ARMC5: variants seen among roughly 807,000 people sequenced by gnomAD.
ARMC5 encodes armadillo repeat containing 5.
In ARMC5, 28 loss-of-function variants were observed where a neutral mutation model predicts 60.5. That is an observed-to-expected ratio of 0.46 (90% CI 0.34 to 0.63). ARMC5 has a LOEUF of 0.63. Among genes scored for constraint, ARMC5 ranks in the 30% least tolerant of loss-of-function variants. The pLI, the probability that ARMC5 is intolerant of heterozygous loss-of-function variation, is 0.01. For missense variants in ARMC5, 1,189 were observed against 1,304.9 expected, an observed-to-expected ratio of 0.91 and a Z score of 1.37; for synonymous variants, 680 against 607.3, an observed-to-expected ratio of 1.12 and a Z score of -1.76.
intron 1 of ARMC5, 74 bp downstream of exon 1, chr16:31,460,073 G>T: frequency 6.7e-7 from 1 of 1,491,972 alleles, no homozygotes; most frequent in Non-Finnish European, 9.1e-7. Flanking sequence ...GGGCAGTCTG[G>T]AGTTCTTTGT....
At chr16:31,465,212 C>G (rs1567378026) in intron 4 of ARMC5, 1 of 1,562,806 alleles carries the variant, frequency 6.4e-7, no homozygotes, top group Non-Finnish European at 8.7e-7. Flanking sequence ...CTGCTCCCCA[C>G]CAGCACGCTG....
At chr16:31,463,921 T>A (rs1278897893) in intron 3 of ARMC5, among the ~76,000 whole-genome samples, 1 of 152,114 alleles carries the variant, frequency 6.6e-6, no homozygotes, top group Non-Finnish European at 1.5e-5. Flanking sequence ...TGAATGAGGT[T>A]TTAGTCGTAT....
Position 31,459,874 on chromosome 16 carries a change from C to G in ARMC5, c.350C>G (p.Ser117Cys), listed in dbSNP as rs1198214448. Reference protein sequence around the residue: ...SGPAPSAVSSSSPTPPVRLRK... With the variant: ...SGPAPSAVSSCSPTPPVRLRK... Reference sequence around the variant, plus strand: ...CCCGCCCCCTCCGCTGTGTCGTCGTCTAGTCCTACGCCGCCAGTGCGCCTG... The same window carrying G: ...CCCGCCCCCTCCGCTGTGTCGTCGTGTAGTCCTACGCCGCCAGTGCGCCTG... The change falls in exon 1 of 6, where the codon TCT (serine) becomes TGT (cysteine). Residue 117 changes from serine to cysteine, a missense_variant. Ser to Cys is a moderately radical substitution (Grantham distance 112, BLOSUM62 -1). This residue lies in a region of ARMC5 where 327 missense variants were observed against 233.7 expected (regional missense o/e 1.40). Transcript: ENST00000268314. The G allele has an allele frequency of 6.2e-6, 10 of 1,604,536 alleles. No homozygotes were observed. Among genetic ancestry groups the G allele is most frequent in the Middle Eastern group, 3.4e-4 (2 of 5,964 alleles).
Position 31,466,784 on chromosome 16 carries a change from C to T in ARMC5, c.2703C>T (p.Ala901=), listed in dbSNP as rs868451000. The T allele has an allele frequency of 1.3e-6, 2 of 1,584,474 alleles. No homozygotes were observed. Among genetic ancestry groups the T allele is most frequent in the Non-Finnish European group, 1.7e-6 (2 of 1,166,856 alleles). ...AGTGCCCGAGGAAGCGGGGTCTGGC[C>T]CTGGTGGGGCTTGTGGAGGCAGCAG... ...SEQCPRKRGL[A]LVGLVEAAGE... Residue 901 remains alanine (A), a synonymous_variant, in exon 6 of 6, where the codon GCC becomes GCT. Transcript: ENST00000268314. The surrounding 1 kb of genome is among the most constrained non-coding windows in gnomAD (Gnocchi z 8.0).
chr16:31,465,869 C>T lies in ARMC5; in HGVS notation c.1884C>T (p.Asn628=), dbSNP rs374631609. 5.6e-6 allele frequency: 9 copies of T among 1,609,534 alleles called. No homozygotes were observed. In the African/African-American group the frequency reaches 8.0e-5, roughly 14 times the overall value. ...TCACAGGGGAGAGGCTACTGCAGAA[C>T]CTGACGGTTCAGGCTGAGTCGCCCT... ...HRELGERLLQ[N]LTVQAESPFG... Residue 628 remains asparagine (N), a synonymous_variant, in exon 5 of 6, where the codon AAC becomes AAT. Transcript: ENST00000268314.
At position 31,465,058 on chromosome 16, in the gene ARMC5, T is replaced by C. The variant is rs201507383; in HGVS notation, c.1864+171T>C. On this transcript the variant is annotated intron_variant, in intron 4 of 5. Transcript: ENST00000268314. ...GGAGCAGGGCGTTCCAGTCCCTCCA[T>C]GGGCCCACAGGCAGAGTTCTGCTGT... 6.1e-5 allele frequency: 99 copies of C among 1,613,860 alleles called. No homozygotes were observed. In the African/African-American group the frequency reaches 1.1e-3, roughly 19 times the overall value.
In ARMC5 at chr16:31,462,622, G is replaced by A; in HGVS notation, c.1075G>A (p.Ala359Thr). 2 of 1,613,522 alleles carry A rather than the reference G, an allele frequency of 1.2e-6. No individual in the cohort carries two copies. Among genetic ancestry groups the A allele is most frequent in the Non-Finnish European group, 1.7e-6 (2 of 1,180,008 alleles). The change falls in exon 3 of 6, where the codon GCC becomes ACC. Residue 359 changes from alanine (A) to threonine (T), a missense_variant. This residue lies in a region of ARMC5 where 862 missense variants were observed against 1,071.2 expected (regional missense o/e 0.80). Coordinates refer to ENST00000268314, the MANE Select transcript of ARMC5 (RefSeq NM_001105247.2). This position sits in a 1 kb window ranked among gnomAD's most constrained non-coding sequence, Gnocchi z 7.2. ...VRAVCLLCREAINRARLRDAG... is the reference protein window; with the variant it reads ...VRAVCLLCRETINRARLRDAG... ...GGCTGTGTGCCTCCTATGTCGTGAG[G>A]CCATCAACCGGGCCCGACTGCGGGA...
In ARMC5 at chr16:31,467,031, G is replaced by A. The variant is rs376684372; in HGVS notation, c.*142G>A. On this transcript the variant is annotated 3_prime_UTR_variant, in exon 6 of 6. Transcript: ENST00000268314. ...ACATGGAACCGGACTCCAAGATGACGATCTAAAGACCCGGGAGCGAGAAGC... is the reference window on the plus strand; with the variant it reads ...ACATGGAACCGGACTCCAAGATGACAATCTAAAGACCCGGGAGCGAGAAGC... 6.2e-5 allele frequency: 71 copies of A among 1,139,864 alleles called. No individual in the cohort carries two copies. Among genetic ancestry groups the A allele is most frequent in the Non-Finnish European group, 7.2e-5 (62 of 860,224 alleles). 70.6% of individuals were successfully genotyped at this position (1,139,864 alleles called of 1,614,324 possible).
chr16:31,461,194 A>G (rs931206817), intron 1 of ARMC5, among the ~76,000 whole-genome samples: 1 of 151,968 alleles, frequency 6.6e-6, no homozygotes, highest in Non-Finnish European at 1.5e-5. Context: ...TTGTCTTTTC[A>G]TGCTTGGACT....
At chr16:31,465,660 C>T (rs1234249865) in intron 4 of ARMC5, 190 bp from the exon 5 acceptor site, 2 of 1,427,072 alleles carry the variant, frequency 1.4e-6, no homozygotes, top group Non-Finnish European at 1.8e-6. Flanking sequence ...TACACCCTGA[C>T]TGTCCCACCT....
rs769017434 is a variant in ARMC5 at position 31,466,186 on chromosome 16, C to T, written c.2105C>T (p.Ala702Val). ...APHPLFLFFA[A>V]DSLSCLQDLV... ...CACCCGCTCTTCCTCTTCTTTGCCG[C>T]GGACTCCCTTTCCTGCCTCCAAGAC... Residue 702 changes from alanine (A) to valine (V), a missense_variant, in exon 6 of 6, where the codon GCG becomes GTG. Ala to Val is a moderately conservative substitution (Grantham distance 64). Coordinates refer to ENST00000268314, the MANE Select transcript of ARMC5 (RefSeq NM_001105247.2). The surrounding 1 kb of genome is among the most constrained non-coding windows in gnomAD (Gnocchi z 8.0). 3 of 1,612,456 alleles carry T rather than the reference C, an allele frequency of 1.9e-6. No individual in the cohort carries two copies. Among genetic ancestry groups the T allele is most frequent in the South Asian group, 1.1e-5 (1 of 91,086 alleles).
chr16:31,458,675 G>A (rs2082268291), upstream of ARMC5: 1 of 1,452,372 alleles, frequency 6.9e-7, no homozygotes, highest in African/African-American at 1.4e-5. Context: ...GCGGGCAGCT[G>A]CCCCGACCAC....
Position 31,464,557 on chromosome 16 carries a change from G to A in ARMC5, c.1534G>A (p.Ala512Thr), listed in dbSNP as rs760530028. 1.8e-5 allele frequency: 28 copies of A among 1,583,280 alleles called. No homozygotes were observed. The highest frequency in any genetic ancestry group is 4.6e-5 in the East Asian group (2 of 43,478). ...CCAACGCACTCCGGGCCGCAGCCCC[G>A]CCGCCGCCATCGAGGAGCCTTGGGG... The part of the protein sequence containing the change: ...RTQRTPGRSP[A>T]AAIEEPWGRE... The change falls in exon 4 of 6, where the codon GCC becomes ACC. Residue 512 changes from alanine (A) to threonine (T), a missense_variant. Ala to Thr is a moderately conservative substitution (Grantham distance 58). This residue lies in a region of ARMC5 where 862 missense variants were observed against 1,071.2 expected (regional missense o/e 0.80). Coordinates refer to ENST00000268314, the MANE Select transcript of ARMC5 (RefSeq NM_001105247.2). This position sits in a 1 kb window ranked among gnomAD's most constrained non-coding sequence, Gnocchi z 7.6.
chr16:31,459,331 T>A, upstream of ARMC5: 1 of 1,535,164 alleles, frequency 6.5e-7, no homozygotes, highest in Non-Finnish European at 8.7e-7. Flanking sequence ...CAGGATGCGC[T>A]GCGATTAAGG....
At chr16:31,459,218 C>T (rs2082274801), upstream of ARMC5, 2 of 1,531,986 alleles carry the variant, frequency 1.3e-6, no homozygotes, top group African/African-American at 2.7e-5. Context: ...TTCGGAGGCC[C>T]TGGCCCACCT....
At position 31,464,749 on chromosome 16, in the gene ARMC5, A is replaced by G; in HGVS notation, c.1726A>G (p.Asn576Asp). The change falls in exon 4 of 6, where the codon AAC becomes GAC. Residue 576 changes from asparagine (N) to aspartate (D), a missense_variant. By Grantham distance (23) the Asn-to-Asp change is conservative. This residue lies in a region of ARMC5 where 862 missense variants were observed against 1,071.2 expected (regional missense o/e 0.80). Transcript: ENST00000268314. The surrounding 1 kb of genome is among the most constrained non-coding windows in gnomAD (Gnocchi z 7.6). ...ALRILSRLTCNPACLEAFVRS... is the reference protein window; with the variant it reads ...ALRILSRLTCDPACLEAFVRS... ...GCGCATTCTGTCACGCCTCACCTGC[A>G]ACCCTGCCTGCCTCGAGGCCTTCGT... The G allele has an allele frequency of 6.3e-7, 1 of 1,599,086 alleles. No individual in the cohort carries two copies. Among genetic ancestry groups the G allele is most frequent in the Non-Finnish European group, 8.5e-7 (1 of 1,179,284 alleles).
chr16:31,467,025 G>A lies in ARMC5; in HGVS notation c.*136G>A. ...GTGAGAACATGGAACCGGACTCCAA[G>A]ATGACGATCTAAAGACCCGGGAGCG... is the stretch of plus-strand genomic sequence containing the variant. On this transcript the variant is annotated 3_prime_UTR_variant, in exon 6 of 6. Coordinates refer to ENST00000268314, the MANE Select transcript of ARMC5 (RefSeq NM_001105247.2). 2 of 1,175,476 alleles carry A rather than the reference G, an allele frequency of 1.7e-6. No homozygotes were observed. Among genetic ancestry groups the A allele is most frequent in the Non-Finnish European group, 2.2e-6 (2 of 892,794 alleles). The allele number at this position is 1,175,476 out of a possible 1,614,324, so 72.8% of individuals were successfully genotyped here. A position where few individuals can be genotyped will look rare whatever the true frequency, so the allele number is the denominator to read the frequency against.
intron 1 of ARMC5, among the ~76,000 whole-genome samples, chr16:31,461,396 C>A (rs2082302416): frequency 1.3e-5 from 2 of 152,186 alleles, no homozygotes; most frequent in South Asian, 2.1e-4. Context: ...TACCTCTGGG[C>A]CTTTGGAAAG....
Position 31,460,011 on chromosome 16 carries a change from G to T in ARMC5, c.475+12G>T. 6.3e-7 allele frequency: 1 copy of T among 1,593,062 alleles called. No homozygotes were observed. Among genetic ancestry groups the T allele is most frequent in the Non-Finnish European group, 8.5e-7 (1 of 1,177,060 alleles). On this transcript the variant is annotated intron_variant, in intron 1 of 5. Transcript: ENST00000268314. ...CATACTCCCTTTGGGTAAGTGCTCC[G>T]CCCCCGTTTCCTAGAAAGATTAGGT...
Sources: gnomAD v4.1 joint callset for allele counts (sites outside exome capture counted in the v4.1 genomes callset) on GRCh38, gnomAD v4.1.1 for gene constraint, gnomAD v4.1.1 regional missense constraint, Gnocchi (gnomAD v3.1) non-coding constraint, MANE v1.5 for transcripts, NCBI Gene and HGNC (gene_info 2026-07-23, HGNC 2026-07-21) for gene names.